SCN11A: variants seen among roughly 807,000 people sequenced by gnomAD.
The protein encoded by SCN11A is sodium channel protein type 11 subunit alpha.
Under a neutral mutation model 162.2 loss-of-function variants are expected in SCN11A, and 122 were observed. That is an observed-to-expected ratio of 0.75 (90% CI 0.65 to 0.87). The LOEUF (loss-of-function observed/expected upper bound fraction) is 0.87, where lower values mean the gene tolerates loss of function less well. Among genes scored for constraint, SCN11A ranks in the 40% least tolerant of loss-of-function variants. The pLI, the probability that SCN11A is intolerant of heterozygous loss-of-function variation, is 0.00. For missense variants in SCN11A, 2,015 were observed against 2,181.6 expected, an observed-to-expected ratio of 0.92 and a Z score of 1.52; for synonymous variants, 758 against 751.5, an observed-to-expected ratio of 1.01 and a Z score of -0.14.
At chr3:38,981,837 C>T (rs2030069099) in intron 2 of SCN11A, among the ~76,000 whole-genome samples, 1 of 151,744 alleles carries the variant, frequency 6.6e-6, no homozygotes, top group Admixed American at 6.6e-5. Flanking sequence ...AAATCCTGTT[C>T]TATTAAAAAT....
At chr3:39,032,630 A>C (rs2031789453) in intron 1 of SCN11A, among the ~76,000 whole-genome samples, 127 bp from the exon 2 acceptor site, 1 of 152,228 alleles carries the variant, frequency 6.6e-6, no homozygotes, top group East Asian at 1.9e-4. Flanking sequence ...ATTTTTAAAA[A>C]GTGATAGAGC....
At chr3:38,899,183 G>C (rs1453908441) in intron 17 of SCN11A, among the ~76,000 whole-genome samples, 2 of 152,112 alleles carry the variant, frequency 1.3e-5, no homozygotes, top group African/African-American at 4.8e-5. Flanking sequence ...TTCTCAGATT[G>C]GATTTCTCTG....
chr3:38,854,524 G>C (rs111433333), intron 28 of SCN11A, among the ~76,000 whole-genome samples: 38 of 152,188 alleles, frequency 2.5e-4, no homozygotes, highest in African/African-American at 6.8e-4. Flanking sequence ...GGACAGAACA[G>C]TGTGTGGAGA....
intron 1 of SCN11A, among the ~76,000 whole-genome samples, chr3:39,047,005 G>A (rs1427339883): frequency 6.7e-6 from 1 of 148,386 alleles, no homozygotes; most frequent in African/African-American, 2.5e-5. Flanking sequence ...ATAGGTGTGA[G>A]CCATTGCACA....
At position 39,051,887 on chromosome 3, in the gene SCN11A, G is replaced by A. The variant is rs2032397464; in HGVS notation, c.-430C>T. ...TCATCACATGGCTACCGGCCACACA[G>A]CAACTAACAGCACCGAGGAAACACA... On this transcript the variant is annotated 5_prime_UTR_variant, in exon 1 of 30. Coordinates refer to ENST00000302328, the MANE Select transcript of SCN11A (RefSeq NM_001349253.2). 2 of 1,007,336 alleles carry A rather than the reference G, an allele frequency of 2.0e-6. No homozygotes were observed. The highest frequency in any genetic ancestry group is 3.0e-6 in the Non-Finnish European group (2 of 666,212). 62.4% of individuals were successfully genotyped at this position (1,007,336 alleles called of 1,614,324 possible).
chr3:38,944,050 T>C (rs1322547119), intron 7 of SCN11A, among the ~76,000 whole-genome samples: 1 of 152,210 alleles, frequency 6.6e-6, no homozygotes, highest in Non-Finnish European at 1.5e-5. Flanking sequence ...TTACACAGTG[T>C]ATGCATGTAT....
intron 7 of SCN11A, among the ~76,000 whole-genome samples, chr3:38,934,310 C>G (rs2066293375): frequency 6.6e-6 from 1 of 152,188 alleles, no homozygotes; most frequent in South Asian, 2.1e-4. Flanking sequence ...GAAGAAACTG[C>G]ATCAACTAAT....
chr3:38,950,124 T>A lies in SCN11A; in HGVS notation c.239A>T (p.Asp80Val), dbSNP rs770603605. 15 of 1,437,192 alleles carry A rather than the reference T, an allele frequency of 1.0e-5. No individual in the cohort carries two copies. The highest frequency in any genetic ancestry group is 1.3e-5 in the Non-Finnish European group (14 of 1,074,184). The allele number at this position is 1,437,192 out of a possible 1,614,324, so 89.0% of individuals were successfully genotyped here. ...PRELIGKPLEDLDPFYRNHKT... is the reference protein window; with the variant it reads ...PRELIGKPLEVLDPFYRNHKT... The stretch of plus-strand genomic sequence containing the variant: ...ATGATTTCGGTAGAATGGGTCCAAG[T>A]CTTCCAGAGGCTTTCCTATGAGCTC... The change falls in exon 5 of 30, where the codon GAC becomes GTC. Residue 80 changes from aspartate (D) to valine (V), a missense_variant. Transcript: ENST00000302328.
chr3:38,929,172 C>CACACATAT (rs139558791), intron 7 of SCN11A, among the ~76,000 whole-genome samples: 4 of 79,748 alleles, frequency 5.0e-5, no homozygotes, highest in African/African-American at 1.2e-4. Flanking sequence ...CACACACACA[C>CACACATAT]ATGTTTGGGA....
In SCN11A at chr3:38,926,895, C is replaced by T. The variant is rs146086638; in HGVS notation, c.525G>A (p.Leu175=). The change falls in exon 8 of 30, where the codon TTG becomes TTA. Residue 175 remains leucine, a synonymous_variant. Transcript: ENST00000302328. ...TGAAACCTCTTGCCAATATTTTAAT[C>T]AAAGCTTCAAAAATATAAATCCCAG... is the stretch of plus-strand genomic sequence containing the variant. ...VFTGIYIFEA[L]IKILARGFIL... 1.1e-5 allele frequency: 18 copies of T among 1,612,802 alleles called. No individual in the cohort carries two copies. The highest frequency in any genetic ancestry group is 1.5e-5 in the Non-Finnish European group (18 of 1,179,012).
chr3:39,047,352 G>A (rs1372959027), intron 1 of SCN11A, among the ~76,000 whole-genome samples: 2 of 151,746 alleles, frequency 1.3e-5, no homozygotes, highest in Non-Finnish European at 2.9e-5. Context: ...GACTCCCTAC[G>A]TCTCACCCTA....
At chr3:38,860,513 C>T (rs2064946357) in intron 28 of SCN11A, among the ~76,000 whole-genome samples, 1 of 152,102 alleles carries the variant, frequency 6.6e-6, no homozygotes, top group South Asian at 2.1e-4. Flanking sequence ...CTAACTAAAT[C>T]CAACAGCATA....
intron 2 of SCN11A, among the ~76,000 whole-genome samples, chr3:38,999,781 T>A (rs192814121): frequency 1.3e-5 from 2 of 152,298 alleles, no homozygotes; most frequent in East Asian, 3.9e-4. Context: ...AAGGTTCTGT[T>A]AGTGAACATT....
At chr3:38,985,566 A>G in intron 2 of SCN11A, among the ~76,000 whole-genome samples, 1 of 150,994 alleles carries the variant, frequency 6.6e-6, no homozygotes, top group Non-Finnish European at 1.5e-5. Flanking sequence ...GGAGAAAGGC[A>G]GATAGATTTG....
chr3:38,927,195 A>G (rs1482372894), intron 7 of SCN11A, among the ~76,000 whole-genome samples: 1 of 152,198 alleles, frequency 6.6e-6, no homozygotes, highest in Non-Finnish European at 1.5e-5. Flanking sequence ...GAATAGTTTC[A>G]GGTAACATGA....
At chr3:38,996,018 C>T (rs953439735) in intron 2 of SCN11A, among the ~76,000 whole-genome samples, 9 of 152,158 alleles carry the variant, frequency 5.9e-5, no homozygotes, top group Admixed American at 2.6e-4. Flanking sequence ...CATGAGCGCG[C>T]GCTCTCTCTC....
At chr3:38,963,426 T>G (rs1575339043) in intron 2 of SCN11A, among the ~76,000 whole-genome samples, 1 of 74,228 alleles carries the variant, frequency 1.3e-5, no homozygotes, top group Non-Finnish European at 2.3e-5. Context: ...ATGATGGAGA[T>G]ATATATATAT....
chr3:38,879,863 TGC>T (rs2065278663), intron 23 of SCN11A, 85 bp downstream of exon 23: 3 of 994,772 alleles, frequency 3.0e-6, no homozygotes, highest in Non-Finnish European at 4.6e-6. Flanking sequence ...GACATCCATA[TGC>T]GGCACACAGG....
chr3:39,017,242 T>C (rs1360223744), intron 2 of SCN11A, among the ~76,000 whole-genome samples: 3 of 152,188 alleles, frequency 2.0e-5, no homozygotes, highest in African/African-American at 7.2e-5. Flanking sequence ...TCATCAGACA[T>C]CAAGTCTGCC....
Sources: allele counts gnomAD v4.1 joint callset (sites outside exome capture counted in the v4.1 genomes callset), GRCh38; gene constraint gnomAD v4.1.1; transcripts MANE v1.5; gene names NCBI Gene and HGNC (gene_info 2026-07-23, HGNC 2026-07-21).